KIDINS220: variants seen among roughly 807,000 people sequenced by gnomAD.
KIDINS220 encodes kinase D-interacting substrate of 220 kDa.
Under a neutral mutation model 157.6 loss-of-function variants are expected in KIDINS220, and 63 were observed. That is an observed-to-expected ratio of 0.40 (90% confidence interval 0.33 to 0.49). The LOEUF (loss-of-function observed/expected upper bound fraction) is 0.49, where lower values mean the gene tolerates loss of function less well. KIDINS220 is among the 20% of genes least tolerant of loss of function. The pLI is 0.66. For synonymous variants in KIDINS220, 732 were observed against 783.6 expected, an observed-to-expected ratio of 0.93 and a Z score of 1.10; for missense variants, 1,772 against 2,171.2, an observed-to-expected ratio of 0.82 and a Z score of 3.65.
chr2:8,802,136 G>C (rs1281037613), intron 8 of KIDINS220, among the ~76,000 whole-genome samples: 2 of 152,220 alleles, frequency 1.3e-5, no homozygotes, highest in African/African-American at 4.8e-5. Context: ...GGGGTACAAA[G>C]TGGGGAGAGA....
chr2:8,801,933 G>A (rs1383347282), intron 8 of KIDINS220, among the ~76,000 whole-genome samples: 2 of 152,080 alleles, frequency 1.3e-5, no homozygotes, highest in Non-Finnish European at 2.9e-5. Context: ...TAACTACTTC[G>A]GATTAAGTAG....
At chr2:8,783,404 C>T (rs1671971696) in intron 17 of KIDINS220, among the ~76,000 whole-genome samples, 1 of 152,096 alleles carries the variant, frequency 6.6e-6, no homozygotes, top group South Asian at 2.1e-4. Context: ...CTACTAAGAT[C>T]AGGAACGAGG....
chr2:8,779,155 T>C lies in KIDINS220; in HGVS notation c.2371-16A>G, dbSNP rs1268337821. ...GAACTCGGACCTGTGGCAGAAGAAATGTACAGTTGTGACATACATTTTAAA... is the reference window on the plus strand; with the variant it reads ...GAACTCGGACCTGTGGCAGAAGAAACGTACAGTTGTGACATACATTTTAAA... On this transcript the variant is annotated splice_polypyrimidine_tract_variant and intron_variant, in intron 18 of 29. Coordinates refer to ENST00000256707, the MANE Select transcript of KIDINS220 (RefSeq NM_020738.4). 1.9e-6 allele frequency: 3 copies of C among 1,609,440 alleles called. No individual in the cohort carries two copies. The highest frequency in any genetic ancestry group is 2.7e-5 in the African/African-American group (2 of 74,882).
In KIDINS220 at chr2:8,800,384, C is replaced by T; in HGVS notation, c.900+16G>A. The T allele has an allele frequency of 1.3e-6, 2 of 1,540,098 alleles. No homozygotes were observed. The highest frequency in any genetic ancestry group is 1.8e-6 in the Non-Finnish European group (2 of 1,121,928). ...ATTATACTCTAAGATAGCAACTGCA[C>T]TGTAATCACACATACCTGTCCTCTA... On this transcript the variant is annotated intron_variant, in intron 9 of 29. Transcript: ENST00000256707.
At chr2:8,768,078 T>G (rs1327780451) in intron 22 of KIDINS220, among the ~76,000 whole-genome samples, 1 of 152,208 alleles carries the variant, frequency 6.6e-6, no homozygotes, top group Non-Finnish European at 1.5e-5. Flanking sequence ...ACTATCTTCA[T>G]GAAAACTACT....
At chr2:8,784,970 T>A (rs747273693) in intron 17 of KIDINS220, among the ~76,000 whole-genome samples, 1 of 152,234 alleles carries the variant, frequency 6.6e-6, no homozygotes, top group Non-Finnish European at 1.5e-5. Context: ...TATAGCAGCT[T>A]TATTCATACT....
chr2:8,817,673 A>C lies in KIDINS220; in HGVS notation c.251T>G (p.Val84Gly). The change falls in exon 4 of 30, where the codon GTG (valine) becomes GGG (glycine). Residue 84 changes from valine to glycine, a missense_variant. Transcript: ENST00000256707. ...ALISASKEGH[V>G]HIVEELLKCG... is the part of the protein sequence containing the mutation. The stretch of plus-strand genomic sequence containing the variant: ...TTTCAGTAGTTCCTCTACGATGTGC[A>C]CATGCCCTTCTTTCGATGCAGATAT... 1 of 1,608,520 alleles carries C rather than the reference A, an allele frequency of 6.2e-7. No homozygotes were observed. Among genetic ancestry groups the C allele is most frequent in the Admixed American group, 1.7e-5 (1 of 59,486 alleles).
In KIDINS220 at chr2:8,732,088, C is replaced by T; in HGVS notation, c.4054-106G>A. ...GTACACTAACCATTTAAAAAGTCATCAAAACATCAAATTCTTTTAAAAGAA... is the reference window on the plus strand; with the variant it reads ...GTACACTAACCATTTAAAAAGTCATTAAAACATCAAATTCTTTTAAAAGAA... On this transcript the variant is annotated intron_variant, in intron 29 of 29. Transcript: ENST00000256707. 3.2e-6 allele frequency: 3 copies of T among 940,364 alleles called. No homozygotes were observed. In the South Asian group the frequency reaches 8.1e-5, roughly 25 times the overall value. The allele number at this position is 940,364 out of a possible 1,614,324, so 58.3% of individuals were successfully genotyped here. A position where few individuals can be genotyped will look rare whatever the true frequency, so the allele number is the denominator to read the frequency against.
In KIDINS220 at chr2:8,736,879, T is replaced by A; in HGVS notation, c.3706A>T (p.Thr1236Ser). The A allele has an allele frequency of 6.2e-7, 1 of 1,614,048 alleles. No individual in the cohort carries two copies. The highest frequency in any genetic ancestry group is 8.5e-7 in the Non-Finnish European group (1 of 1,179,936). Reference protein sequence around the residue: ...DQSMLPQYCTTIKKANINGRV... With the variant: ...DQSMLPQYCTSIKKANINGRV... ...AGTGGCTGCCTCACCTTTTTGATCGTGGTACAATACTGAGGCAGCATACTC... is the reference window on the plus strand; with the variant it reads ...AGTGGCTGCCTCACCTTTTTGATCGAGGTACAATACTGAGGCAGCATACTC... Residue 1236 changes from threonine (T) to serine (S), a missense_variant, in exon 27 of 30, where the codon ACG becomes TCG. Thr to Ser is a moderately conservative substitution (Grantham distance 58). Coordinates refer to ENST00000256707, the MANE Select transcript of KIDINS220 (RefSeq NM_020738.4).
At chr2:8,794,794 G>C (rs1048547871) in intron 11 of KIDINS220, among the ~76,000 whole-genome samples, 3 of 152,034 alleles carry the variant, frequency 2.0e-5, no homozygotes, top group Non-Finnish European at 4.4e-5. Flanking sequence ...CATCCACACT[G>C]ATCTCCAGGA....
chr2:8,794,060 G>T, intron 11 of KIDINS220, 73 bp from the exon 12 acceptor site: 1 of 1,162,828 alleles, frequency 8.6e-7, no homozygotes. Flanking sequence ...CAATTTTCAT[G>T]TTTCTGTAAA....
Position 8,785,757 on chromosome 2 carries a change from C to T in KIDINS220, c.2213G>A (p.Ser738Asn), listed in dbSNP as rs1253739322. The change falls in exon 17 of 30, where the codon AGT (serine) becomes AAT (asparagine). Residue 738 changes from serine to asparagine, a missense_variant. Transcript: ENST00000256707. Reference protein sequence around the residue: ...NAASKLHKLKSEGFMKVLKCE... With the variant: ...NAASKLHKLKNEGFMKVLKCE... Reference sequence around the variant, plus strand: ...AGTGCTTACTTTCATGAATCCTTCACTTTTCAATTTGTGCAGTTTGGAGGC... The same window carrying T: ...AGTGCTTACTTTCATGAATCCTTCATTTTTCAATTTGTGCAGTTTGGAGGC... The T allele has an allele frequency of 6.2e-7, 1 of 1,607,168 alleles. No homozygotes were observed. Among genetic ancestry groups the T allele is most frequent in the Non-Finnish European group, 8.5e-7 (1 of 1,178,282 alleles).
chr2:8,729,565 A>G lies in KIDINS220; in HGVS notation c.*1155T>C. 1.0e-6 allele frequency: 1 copy of G among 978,396 alleles called. No homozygotes were observed. The highest frequency in any genetic ancestry group is 4.7e-5 in the South Asian group (1 of 21,152). 60.6% of individuals were successfully genotyped at this position (978,396 alleles called of 1,614,324 possible). ...AATAATTAATGGAAAGTACACTTTT[A>G]CAGTCACAGCACTTATATAGATATA... On this transcript the variant is annotated 3_prime_UTR_variant, in exon 30 of 30. Transcript: ENST00000256707.
intron 17 of KIDINS220, among the ~76,000 whole-genome samples, chr2:8,781,153 A>ATATATATATATATAT (rs70946383): frequency 7.7e-6 from 1 of 130,408 alleles, no homozygotes; most frequent in Non-Finnish European, 1.6e-5. Flanking sequence ...ATATATATAT[A>ATATATATATATATAT]ATATATATAT....
intron 22 of KIDINS220, among the ~76,000 whole-genome samples, chr2:8,756,186 T>C (rs2148077317): frequency 6.6e-6 from 1 of 152,358 alleles, no homozygotes; most frequent in Non-Finnish European, 1.5e-5. Flanking sequence ...TACAAGTCTT[T>C]AACTTTCTTG....
chr2:8,825,666 T>C (rs1678675664), intron 2 of KIDINS220: 1 of 152,182 alleles, frequency 6.6e-6, no homozygotes, highest in East Asian at 1.9e-4. Flanking sequence ...ATTATACTCT[T>C]GAAAACACAC....
At chr2:8,773,316 A>C (rs771419338) in intron 21 of KIDINS220, among the ~76,000 whole-genome samples, 10 of 152,218 alleles carry the variant, frequency 6.6e-5, no homozygotes, top group Non-Finnish European at 1.3e-4. Flanking sequence ...ATGTGTAAAC[A>C]TCATTATTTT....
chr2:8,783,422 G>A (rs1288322621), intron 17 of KIDINS220, among the ~76,000 whole-genome samples: 1 of 152,136 alleles, frequency 6.6e-6, no homozygotes. Flanking sequence ...AGGCAAGATT[G>A]TCCCTTTTCT....
At chr2:8,814,955 T>A (rs1160252879) in intron 4 of KIDINS220, among the ~76,000 whole-genome samples, 2 of 152,190 alleles carry the variant, frequency 1.3e-5, no homozygotes, top group African/African-American at 2.4e-5. Context: ...AAATTACTGA[T>A]GAGTACTCCT....
Sources: gnomAD v4.1 joint callset for allele counts (sites outside exome capture counted in the v4.1 genomes callset) on GRCh38, gnomAD v4.1.1 for gene constraint, MANE v1.5 for transcripts, NCBI Gene and HGNC (gene_info 2026-07-23, HGNC 2026-07-21) for gene names.